CCDC88A: variants seen among roughly 807,000 people sequenced by gnomAD.
CCDC88A encodes girdin.
CCDC88A carries 54 observed loss-of-function variants against 234.3 expected under a neutral mutation model. That is an observed-to-expected ratio of 0.23 (90% CI 0.19 to 0.29). CCDC88A has a LOEUF of 0.29. Ranked by LOEUF, CCDC88A falls within the 10% of genes least tolerant of loss-of-function variation. The pLI, the probability that CCDC88A is intolerant of heterozygous loss-of-function variation, is 1.00. For missense variants in CCDC88A, 1,832 were observed against 2,123.4 expected, an observed-to-expected ratio of 0.86 and a Z score of 2.70; for synonymous variants, 753 against 737.8, an observed-to-expected ratio of 1.02 and a Z score of -0.33.
Position 55,395,623 on chromosome 2 carries a change from T to C in CCDC88A, c.165-6737A>G, listed in dbSNP as rs193156455. On this transcript the variant is annotated intron_variant, in intron 2 of 32. Transcript: ENST00000436346. ...AAACAAAGACTAAGCATAGTGTTTT[T>C]TAAACCATTGCTTTCTATCGAAAGT... Among the ~76,000 whole-genome samples the C allele has an allele frequency of 2.0e-5, 3 of 152,338 alleles. No homozygotes were observed. The East Asian group carries it at 5.8e-4, about 29-fold the overall frequency.
intron 27 of CCDC88A, 91 bp from the exon 28 acceptor site, chr2:55,301,368 T>C (rs1253654127): frequency 2.9e-6 from 2 of 682,794 alleles, no homozygotes; most frequent in Non-Finnish European, 4.8e-6. Flanking sequence ...AAATTGTTTT[T>C]CAATCATGTA....
intron 31 of CCDC88A, chr2:55,294,455 G>A: frequency 1.2e-6 from 1 of 845,800 alleles, no homozygotes; most frequent in Non-Finnish European, 1.4e-6. Context: ...TATAAATATG[G>A]GTATTAGTTA....
At position 55,318,957 on chromosome 2, in the gene CCDC88A, C is replaced by T. The variant is rs960608961; in HGVS notation, c.3210G>A (p.Lys1070=). ...AEKQALKTQL[K]QLETQNNNLQ... is the part of the protein sequence containing the mutation. Reference sequence around the variant, plus strand: ...AATTATTGTTCTGTGTCTCAAGTTGCTTCAGTTGAGTTTTCAACGCTTGCT... The same window carrying T: ...AATTATTGTTCTGTGTCTCAAGTTGTTTCAGTTGAGTTTTCAACGCTTGCT... Residue 1070 remains lysine (K), a synonymous_variant, in exon 19 of 33, where the codon AAG becomes AAA. Coordinates refer to ENST00000436346, the MANE Select transcript of CCDC88A (RefSeq NM_001365480.1). The T allele has an allele frequency of 2.5e-6, 4 of 1,613,322 alleles. No homozygotes were observed. Among genetic ancestry groups the T allele is most frequent in the Non-Finnish European group, 3.4e-6 (4 of 1,179,604 alleles).
intron 3 of CCDC88A, among the ~76,000 whole-genome samples, chr2:55,379,807 G>C (rs1674286585): frequency 6.6e-6 from 1 of 152,142 alleles, no homozygotes; most frequent in Admixed American, 6.5e-5. Flanking sequence ...CAGCTACTCA[G>C]GAGGCTGAGG....
At chr2:55,413,912 C>G (rs1680923808) in intron 2 of CCDC88A, among the ~76,000 whole-genome samples, 1 of 151,582 alleles carries the variant, frequency 6.6e-6, no homozygotes, top group African/African-American at 2.4e-5. Context: ...TGATCATGCC[C>G]CTGCACTCCA....
chr2:55,383,954 G>C (rs1427730773), intron 3 of CCDC88A, among the ~76,000 whole-genome samples: 1 of 152,010 alleles, frequency 6.6e-6, no homozygotes, highest in Non-Finnish European at 1.5e-5. Flanking sequence ...TGGTGCGAAA[G>C]TAATTGCGCT....
chr2:55,346,519 A>T (rs1005033931), intron 9 of CCDC88A, among the ~76,000 whole-genome samples, 186 bp from the exon 10 acceptor site: 2 of 152,042 alleles, frequency 1.3e-5, no homozygotes, highest in African/African-American at 4.8e-5. Context: ...TCCCAGGTTC[A>T]AGCACTTCTC....
chr2:55,374,772 A>G (rs778430802), intron 4 of CCDC88A, 42 bp downstream of exon 4: 7 of 1,225,202 alleles, frequency 5.7e-6, no homozygotes, highest in Non-Finnish European at 1.2e-6. Flanking sequence ...AGTATTACAC[A>G]AAGGTTAGAC....
At chr2:55,343,392 A>C (rs562129244) in intron 12 of CCDC88A, among the ~76,000 whole-genome samples, 287 of 152,232 alleles carry the variant, frequency 1.9e-3, no homozygotes, top group Middle Eastern at 6.8e-3. Context: ...GCAGCCTCTT[A>C]GGATATTAAC....
chr2:55,384,591 ACATATATACGTATATATGTG>A (rs1675226394), intron 3 of CCDC88A, among the ~76,000 whole-genome samples: 1 of 2,380 alleles, frequency 4.2e-4, no homozygotes, highest in African/African-American at 8.3e-4. Context: ...GTATATATAC[ACATATATACGTATATATGTG>A]TATATATACG....
Position 55,334,671 on chromosome 2 carries a change from C to G in CCDC88A, c.2150G>C (p.Ser717Thr), listed in dbSNP as rs755286206. Residue 717 changes from serine to threonine, a missense_variant, in exon 15 of 33, where the codon AGC becomes ACC. Around this residue, in one of 6 missense-constraint regions of CCDC88A, gnomAD observed 1,282 missense variants for 1,543.6 expected, o/e 0.83. Coordinates refer to ENST00000436346, the MANE Select transcript of CCDC88A (RefSeq NM_001365480.1). The surrounding 1 kb of genome is among the most constrained non-coding windows in gnomAD (Gnocchi z 6.1). ...TAGCTGTAGCTGAGCCATTTTCATG[C>G]TTGCACACTTCAAAGATTCTACATT... Reference protein sequence around the residue: ...RRNVESLKCASMKMAQLQLEN... With the variant: ...RRNVESLKCATMKMAQLQLEN... 3.1e-6 allele frequency: 5 copies of G among 1,613,774 alleles called. No individual in the cohort carries two copies. Among genetic ancestry groups the G allele is most frequent in the Non-Finnish European group, 4.2e-6 (5 of 1,179,852 alleles).
Position 55,302,056 on chromosome 2 carries a change from C to T in CCDC88A, c.4488G>A (p.Val1496=), listed in dbSNP as rs779877395. The change falls in exon 27 of 33, where the codon GTG becomes GTA. Residue 1496 remains valine, a synonymous_variant. Coordinates refer to ENST00000436346, the MANE Select transcript of CCDC88A (RefSeq NM_001365480.1). ...YRRSMSMNDL[V]QSMVLAGQWT... is the part of the protein sequence containing the mutation. ...ACTGTCCTGCTAGGACCATGGACTG[C>T]ACCAGGTCATTCATGGCTGGGATGC... The T allele has an allele frequency of 1.2e-6, 2 of 1,613,632 alleles. No homozygotes were observed. The highest frequency in any genetic ancestry group is 8.5e-7 in the Non-Finnish European group (1 of 1,179,528).
At position 55,334,168 on chromosome 2, in the gene CCDC88A, C is replaced by T. The variant is rs753614806; in HGVS notation, c.2653G>A (p.Glu885Lys). The change falls in exon 15 of 33, where the codon GAA becomes AAA. Residue 885 changes from glutamate to lysine, a missense_variant. By Grantham distance (56) the Glu-to-Lys change is moderately conservative (BLOSUM62 1). Coordinates refer to ENST00000436346, the MANE Select transcript of CCDC88A (RefSeq NM_001365480.1). The surrounding 1 kb of genome is among the most constrained non-coding windows in gnomAD (Gnocchi z 6.1). ...IYKESCVRLK[E>K]LEKENKELVK... ...AGCTCCTTATTTTCTTTTTCTAGTT[C>T]TTTCAGACGGACACAAGATTCTTTA... 1.5e-6 allele frequency: 2 copies of T among 1,363,296 alleles called. No individual in the cohort carries two copies. Among genetic ancestry groups the T allele is most frequent in the Admixed American group, 2.9e-5 (1 of 34,902 alleles). The allele number at this position is 1,363,296 out of a possible 1,614,324, so 84.4% of individuals were successfully genotyped here.
At chr2:55,375,268 T>C (rs2104831627) in intron 3 of CCDC88A, among the ~76,000 whole-genome samples, 1 of 151,984 alleles carries the variant, frequency 6.6e-6, no homozygotes, top group South Asian at 2.1e-4. Context: ...ATTAAAGCAT[T>C]CAAGTCAAAA....
At chr2:55,329,613 T>C (rs1233781568) in intron 16 of CCDC88A, 1 of 152,196 alleles carries the variant, frequency 6.6e-6, no homozygotes, top group Non-Finnish European at 1.5e-5. Context: ...GGTGAGATGA[T>C]GTATGGGAAT....
At chr2:55,337,949 A>G (rs1244028929) in intron 13 of CCDC88A, among the ~76,000 whole-genome samples, 2 of 152,224 alleles carry the variant, frequency 1.3e-5, no homozygotes, top group African/African-American at 4.8e-5. Context: ...CAGTTCAGGA[A>G]GCTTTCAGCT....
At chr2:55,333,530 G>A (rs1387974546) in intron 15 of CCDC88A, among the ~76,000 whole-genome samples, 3 of 152,126 alleles carry the variant, frequency 2.0e-5, no homozygotes, top group South Asian at 2.1e-4. Flanking sequence ...TTTGAATCCA[G>A]TAATCCAACT....
chr2:55,312,498 T>C lies in CCDC88A; in HGVS notation c.4015A>G (p.Arg1339Gly). 1 of 1,612,216 alleles carries C rather than the reference T, an allele frequency of 6.2e-7. No homozygotes were observed. Among genetic ancestry groups the C allele is most frequent in the Non-Finnish European group, 8.5e-7 (1 of 1,179,258 alleles). ...TCCATATTCTGCTCCAAAAGTGTTC[T>C]GTTCTGTAGCATTAATGTCTGAATT... ...DQIQTLMLQN[R>G]TLLEQNMESK... Residue 1339 changes from arginine to glycine, a missense_variant, in exon 23 of 33, where the codon AGA becomes GGA. Physicochemically the swap from Arg to Gly is moderately radical, Grantham distance 125. This residue lies in a region of CCDC88A where 1,282 missense variants were observed against 1,543.6 expected (regional missense o/e 0.83). Coordinates refer to ENST00000436346, the MANE Select transcript of CCDC88A (RefSeq NM_001365480.1).
intron 25 of CCDC88A, among the ~76,000 whole-genome samples, chr2:55,305,226 T>C (rs914882694): frequency 1.3e-5 from 2 of 152,236 alleles, no homozygotes; most frequent in East Asian, 3.8e-4. Flanking sequence ...ACAGATACTC[T>C]TCCAAAATGG....
Sources: allele counts gnomAD v4.1 joint callset (sites outside exome capture counted in the v4.1 genomes callset), GRCh38; gene constraint gnomAD v4.1.1; regional missense constraint gnomAD v4.1.1; non-coding constraint Gnocchi (gnomAD v3.1); transcripts MANE v1.5; gene names NCBI Gene and HGNC (gene_info 2026-07-23, HGNC 2026-07-21).